AMOT: variants seen among roughly 807,000 people sequenced by gnomAD.
AMOT encodes the protein angiomotin.
A neutral mutation model predicts 67.0 loss-of-function variants in AMOT; 11 were observed. That is an observed-to-expected ratio of 0.16 (90% CI 0.10 to 0.27). The LOEUF (loss-of-function observed/expected upper bound fraction) is 0.27. Among genes scored for constraint, AMOT ranks in the 10% least tolerant of loss-of-function variants. AMOT has a pLI of 1.00. For missense variants in AMOT, 753 were observed against 852.0 expected (o/e 0.88, Z 1.45); for synonymous variants, 326 against 321.4 (o/e 1.01, Z -0.15).
intron 1 of AMOT, among the ~76,000 whole-genome samples, chrX:112,838,755 C>T (rs1196660706): frequency 8.9e-6 from 1 of 112,436 alleles, no homozygotes; most frequent in African/African-American, 3.2e-5. Context: ...CAATTGTGGT[C>T]AGAGGTTTAC....
rs1043957610 is a variant in AMOT at position 112,777,640 on chromosome X, G to C, written c.*927C>G. ...CAATTTGAGACTGGAGACCCAGCCA[G>C]TGAATCTGTGCTGTAGAAGAAATAA... On this transcript the variant is annotated 3_prime_UTR_variant, in exon 14 of 14. Transcript: ENST00000371959. The C allele has an allele frequency of 8.9e-6, 1 of 112,031 alleles. No individual in the cohort carries two copies. Among genetic ancestry groups the C allele is most frequent in the Admixed American group, 9.5e-5 (1 of 10,564 alleles). The allele number at this position is 112,031 out of a possible 1,213,427, so 9.2% of individuals were successfully genotyped here. A position where few individuals can be genotyped will look rare whatever the true frequency, so the allele number is the denominator to read the frequency against.
At chrX:112,800,785 G>T (rs762545286) in intron 8 of AMOT, among the ~76,000 whole-genome samples, 1 of 112,085 alleles carries the variant, frequency 8.9e-6, no homozygotes, top group South Asian at 3.8e-4. Context: ...TAGCCTTAGA[G>T]AATTGAGTAG....
In AMOT at chrX:112,782,612, A is replaced by G. The variant is rs1168365429; in HGVS notation, c.2168T>C (p.Leu723Pro). The change falls in exon 11 of 14, where the codon CTA becomes CCA. Residue 723 changes from leucine (L) to proline (P), a missense_variant. Leu to Pro is a moderately conservative substitution (Grantham distance 98, BLOSUM62 -3). This residue lies in a region of AMOT where 269 missense variants were observed against 300.9 expected (regional missense o/e 0.89). Coordinates refer to ENST00000371959, the MANE Select transcript of AMOT (RefSeq NM_001113490.2). Reference protein sequence around the residue: ...HSPNTSYDTALEARIQKEEEE... With the variant: ...HSPNTSYDTAPEARIQKEEEE... ...CTCCTCTTTCTGGATGCGAGCTTCT[A>G]GAGCTGTGTCATAGCTGGTGTTAGG... 1 of 1,211,641 alleles carries G rather than the reference A, an allele frequency of 8.3e-7. No individual in the cohort carries two copies. The highest frequency in any genetic ancestry group is 1.7e-5 in the African/African-American group (1 of 57,840).
chrX:112,799,748 T>A (rs1444128549), intron 8 of AMOT, among the ~76,000 whole-genome samples: 1 of 111,719 alleles, frequency 9.0e-6, no homozygotes, highest in Non-Finnish European at 1.9e-5. Flanking sequence ...AAAAACTTGC[T>A]ACCTCAGGAA....
chrX:112,827,417 T>C (rs1157086983), intron 2 of AMOT, among the ~76,000 whole-genome samples: 1 of 112,424 alleles, frequency 8.9e-6, no homozygotes, highest in African/African-American at 3.2e-5. Context: ...CCTTGTTTCA[T>C]GCACAAGAAC....
In AMOT at chrX:112,777,711, T is replaced by C. The variant is rs1216207304; in HGVS notation, c.*856A>G. 1 of 111,838 alleles carries C rather than the reference T, an allele frequency of 8.9e-6. No individual in the cohort carries two copies. The highest frequency in any genetic ancestry group is 3.3e-5 in the African/African-American group (1 of 30,719). 9.2% of individuals were successfully genotyped at this position (111,838 alleles called of 1,213,427 possible). Reference sequence around the variant, plus strand: ...ACTAAATGCAAGCAAGCTGTGTTCATGGCTACACACAAACCATGGAAGTCT... The same window carrying C: ...ACTAAATGCAAGCAAGCTGTGTTCACGGCTACACACAAACCATGGAAGTCT... On this transcript the variant is annotated 3_prime_UTR_variant, in exon 14 of 14. Coordinates refer to ENST00000371959, the MANE Select transcript of AMOT (RefSeq NM_001113490.2).
At chrX:112,796,183 T>C (rs1430622564) in intron 8 of AMOT, among the ~76,000 whole-genome samples, 2 of 112,260 alleles carry the variant, frequency 1.8e-5, no homozygotes, top group Admixed American at 9.5e-5. Context: ...CCTAAGATTC[T>C]GTACTGTCAC....
chrX:112,781,417 G>A (rs1299225697), intron 11 of AMOT, among the ~76,000 whole-genome samples: 2 of 97,592 alleles, frequency 2.0e-5, no homozygotes, highest in Non-Finnish European at 4.1e-5. Flanking sequence ...TCCAGCCTGG[G>A]TGACAGAGCA....
chrX:112,829,071 C>T (rs950756481), intron 2 of AMOT, among the ~76,000 whole-genome samples: 1 of 111,987 alleles, frequency 8.9e-6, no homozygotes, highest in Non-Finnish European at 1.9e-5. Context: ...CCCCCTGTTC[C>T]AGGTCTGTTC....
chrX:112,814,097 A>G (rs972933392), intron 5 of AMOT, among the ~76,000 whole-genome samples: 20 of 110,637 alleles, frequency 1.8e-4, no homozygotes, highest in African/African-American at 6.6e-4. Flanking sequence ...ACATGGAGAA[A>G]CCCCGTCTCT....
At chrX:112,826,643 C>CT (rs1006193673) in intron 2 of AMOT, among the ~76,000 whole-genome samples, 2 of 111,375 alleles carry the variant, frequency 1.8e-5, no homozygotes, top group African/African-American at 6.5e-5. Context: ...AACACTCATC[C>CT]TTTTTTTTCC....
At chrX:112,814,609 C>T (rs952100757) in intron 5 of AMOT, among the ~76,000 whole-genome samples, 2 of 112,245 alleles carry the variant, frequency 1.8e-5, no homozygotes, top group African/African-American at 6.5e-5. Flanking sequence ...AGGTTCCTCG[C>T]TTGGGGTACT....
chrX:112,783,690 CATGT>C lies in AMOT; in HGVS notation c.2118-1032_2118-1029del, dbSNP rs202102409. Reference sequence around the variant, plus strand: ...TCAAAGACCAATTAATAAGGAAAAACATGTGTGTGTGTGTGTGTGTGTGTGTGTG... The same window carrying C: ...TCAAAGACCAATTAATAAGGAAAAACGTGTGTGTGTGTGTGTGTGTGTGTG... On this transcript the variant is annotated intron_variant, in intron 10 of 13. Transcript: ENST00000371959. Among the ~76,000 whole-genome samples the C allele has an allele frequency of 6.7e-3, 600 of 89,191 alleles. 6 individuals carry two copies. The highest frequency in any genetic ancestry group is 0.028 in the African/African-American group (568 of 20,143). The allele number at this position is 89,191 out of a possible 115,157, so 77.5% of individuals were successfully genotyped here. A position where few individuals can be genotyped will look rare whatever the true frequency, so the allele number is the denominator to read the frequency against.
At chrX:112,839,827 G>A (rs1384253422) in intron 1 of AMOT, among the ~76,000 whole-genome samples, 1 of 110,329 alleles carries the variant, frequency 9.1e-6, no homozygotes, top group Non-Finnish European at 1.9e-5. Flanking sequence ...ACACCCTCAA[G>A]ATCCCCCAAA....
At chrX:112,834,095 C>A (rs1432602361) in intron 1 of AMOT, among the ~76,000 whole-genome samples, 2 of 111,947 alleles carry the variant, frequency 1.8e-5, no homozygotes, top group Non-Finnish European at 3.8e-5. Context: ...TACACAGAAA[C>A]ACAGAAAGCT....
At chrX:112,792,858 G>GA (rs1933662236) in intron 8 of AMOT, among the ~76,000 whole-genome samples, 1 of 111,360 alleles carries the variant, frequency 9.0e-6, no homozygotes, top group Non-Finnish European at 1.9e-5. Context: ...AAAAGCAAAT[G>GA]TAGAAGCAAG....
At chrX:112,832,636 C>CT (rs1569407434) in intron 1 of AMOT, among the ~76,000 whole-genome samples, 2 of 112,156 alleles carry the variant, frequency 1.8e-5, no homozygotes, top group African/African-American at 6.5e-5. Context: ...CTGAAACACT[C>CT]TAACAGTATC....
At chrX:112,782,814 A>G (rs1297037595) in intron 10 of AMOT, 152 bp from the exon 11 acceptor site, 6 of 712,251 alleles carry the variant, frequency 8.4e-6, no homozygotes, top group Non-Finnish European at 1.2e-5. Context: ...AACCCGTAAG[A>G]GCCTCCAAAA....
chrX:112,782,250 T>G (rs1174808599), intron 11 of AMOT, among the ~76,000 whole-genome samples: 1 of 111,829 alleles, frequency 8.9e-6, no homozygotes, highest in East Asian at 2.8e-4. Flanking sequence ...TGTGGTGCAG[T>G]GCTAGAAAGA....
Sources: gnomAD v4.1 joint callset for allele counts (sites outside exome capture counted in the v4.1 genomes callset) on GRCh38, gnomAD v4.1.1 for gene constraint, gnomAD v4.1.1 regional missense constraint, MANE v1.5 for transcripts, NCBI Gene and HGNC (gene_info 2026-07-23, HGNC 2026-07-21) for gene names.